The following NELL1 variants were observed in gnomAD, a reference collection of about 807,000 sequenced individuals.
The protein encoded by NELL1 is neural EGFL like 1, also known as protein kinase C-binding protein NELL1.
NELL1 carries 76 observed loss-of-function variants against 107.4 expected under a neutral mutation model. The ratio of observed to expected loss-of-function variants is 0.71; its 90% CI spans 0.59 to 0.86. The LOEUF (loss-of-function observed/expected upper bound fraction) is 0.86, where lower values mean the gene tolerates loss of function less well. NELL1 is among the 40% of genes least tolerant of loss of function. The pLI, the probability that NELL1 is intolerant of heterozygous loss-of-function variation, is 0.00. For synonymous variants in NELL1, 353 were observed against 341.2 expected (o/e 1.03, Z -0.38); for missense variants, 1,024 against 1,005.5 (o/e 1.02, Z -0.25).
intron 14 of NELL1, among the ~76,000 whole-genome samples, chr11:21,303,096 CTAT>C (rs1565157169): frequency 6.6e-6 from 1 of 151,254 alleles, no homozygotes; most frequent in Non-Finnish European, 1.5e-5. Flanking sequence ...ATATCTATAT[CTAT>C]ATCTATATCT....
intron 2 of NELL1, among the ~76,000 whole-genome samples, chr11:20,703,588 G>T (rs111990462): frequency 0.016 from 2,389 of 152,244 alleles, 73 homozygotes; most frequent in African/African-American, 0.056. Flanking sequence ...TCTTTTAACT[G>T]TGATGTTAGG....
intron 13 of NELL1, among the ~76,000 whole-genome samples, chr11:21,175,179 T>G (rs577111113): frequency 1.1e-4 from 16 of 151,864 alleles, no homozygotes; most frequent in African/African-American, 3.6e-4. Flanking sequence ...TTCTTAGCTG[T>G]TTCCCGTCAA....
intron 12 of NELL1, among the ~76,000 whole-genome samples, chr11:21,098,058 C>T (rs536405799): frequency 2.6e-5 from 4 of 151,556 alleles, no homozygotes; most frequent in Non-Finnish European, 4.4e-5. Context: ...ATGAAGTTTA[C>T]ACTCTAAAGA....
intron 3 of NELL1, among the ~76,000 whole-genome samples, chr11:20,807,406 A>G (rs539860109): frequency 6.6e-6 from 1 of 152,300 alleles, no homozygotes; most frequent in South Asian, 2.1e-4. Flanking sequence ...CCCCCAAAAA[A>G]CAGAGTCTCT....
chr11:20,770,929 C>T (rs1856626998), intron 2 of NELL1: 1 of 150,486 alleles, frequency 6.6e-6, no homozygotes, highest in Non-Finnish European at 1.5e-5. Flanking sequence ...ATTTATTTGG[C>T]ACACATTGTA....
At chr11:21,433,204 A>G (rs1853012714) in intron 15 of NELL1, among the ~76,000 whole-genome samples, 1 of 152,168 alleles carries the variant, frequency 6.6e-6, no homozygotes, top group African/African-American at 2.4e-5. Flanking sequence ...GCCACAAATG[A>G]CAGGATTTCA....
intron 13 of NELL1, among the ~76,000 whole-genome samples, chr11:21,179,705 T>G: frequency 6.6e-6 from 1 of 151,784 alleles, no homozygotes; most frequent in Admixed American, 6.6e-5. Context: ...ATACTGAGAC[T>G]TGACATAAAG....
intron 15 of NELL1, among the ~76,000 whole-genome samples, chr11:21,518,105 T>G (rs976519200): frequency 1.2e-4 from 18 of 149,856 alleles, no homozygotes; most frequent in African/African-American, 4.1e-4. Context: ...GTTCTTGAAT[T>G]TTCTCATCTT....
At chr11:21,455,792 A>C (rs1853712850) in intron 15 of NELL1, among the ~76,000 whole-genome samples, 1 of 151,212 alleles carries the variant, frequency 6.6e-6, no homozygotes, top group Non-Finnish European at 1.5e-5. Context: ...GCCAGCCATA[A>C]TTTAGCTATT....
At chr11:21,465,175 C>T (rs4462341) in intron 15 of NELL1, among the ~76,000 whole-genome samples, 57,367 of 151,836 alleles carry the variant, frequency 0.38, 11,181 homozygotes, top group Middle Eastern at 0.44. Flanking sequence ...GGGGCCATCA[C>T]AGAAAGCAGT....
At chr11:21,342,913 T>C (rs995342221) in intron 14 of NELL1, among the ~76,000 whole-genome samples, 1 of 152,104 alleles carries the variant, frequency 6.6e-6, no homozygotes, top group Non-Finnish European at 1.5e-5. Context: ...GTGTTTTTGG[T>C]TAGCATCATT....
At chr11:20,826,801 CT>C (rs1857894283) in intron 3 of NELL1, among the ~76,000 whole-genome samples, 1 of 151,150 alleles carries the variant, frequency 6.6e-6, no homozygotes, top group South Asian at 2.1e-4. Context: ...CTTAAATTTG[CT>C]TGTTCAGGTG....
chr11:20,739,911 T>C (rs2085756045), intron 2 of NELL1, among the ~76,000 whole-genome samples: 1 of 152,146 alleles, frequency 6.6e-6, no homozygotes, highest in Non-Finnish European at 1.5e-5. Context: ...ATAACCAAGA[T>C]ACTTTACCCT....
At chr11:21,408,233 C>T (rs896402844) in intron 15 of NELL1, among the ~76,000 whole-genome samples, 28 of 152,140 alleles carry the variant, frequency 1.8e-4, no homozygotes, top group African/African-American at 5.8e-4. Context: ...AACTGGCATT[C>T]TCATTATAGT....
At chr11:21,223,247 G>A (rs538328403) in intron 13 of NELL1, among the ~76,000 whole-genome samples, 6 of 152,060 alleles carry the variant, frequency 3.9e-5, no homozygotes, top group African/African-American at 1.4e-4. Flanking sequence ...GTCCTCCAGT[G>A]CTGGATGCAT....
At chr11:21,294,369 A>T (rs1286290979) in intron 14 of NELL1, among the ~76,000 whole-genome samples, 1 of 152,076 alleles carries the variant, frequency 6.6e-6, no homozygotes, top group African/African-American at 2.4e-5. Context: ...TATTAATTGG[A>T]CATCTACTTG....
At chr11:21,426,735 G>GA (rs971363226) in intron 15 of NELL1, among the ~76,000 whole-genome samples, 1 of 152,040 alleles carries the variant, frequency 6.6e-6, no homozygotes, top group Non-Finnish European at 1.5e-5. Context: ...GGTGCAGTCA[G>GA]AAAAAAATGA....
chr11:21,468,945 C>T (rs1474362704), intron 15 of NELL1, among the ~76,000 whole-genome samples: 1 of 152,062 alleles, frequency 6.6e-6, no homozygotes. Context: ...TAGTGCTACT[C>T]TGCCTTTAGA....
At chr11:21,299,259 C>G (rs1849440106) in intron 14 of NELL1, among the ~76,000 whole-genome samples, 1 of 151,912 alleles carries the variant, frequency 6.6e-6, no homozygotes, top group Non-Finnish European at 1.5e-5. Flanking sequence ...CAGTCCTGTT[C>G]ATTTAGCTTT....
Sources: gnomAD v4.1 joint callset for allele counts (sites outside exome capture counted in the v4.1 genomes callset) on GRCh38, gnomAD v4.1.1 for gene constraint, MANE v1.5 for transcripts, NCBI Gene and HGNC (gene_info 2026-07-23, HGNC 2026-07-21) for gene names.